The following ACTN2 variants were observed in gnomAD, a reference collection of about 807,000 sequenced individuals.
The protein encoded by ACTN2 is alpha-actinin-2.
Under a neutral mutation model 113.8 loss-of-function variants are expected in ACTN2, and 39 were observed. The observed-to-expected ratio is 0.34, with a 90% CI of 0.27 to 0.45. The LOEUF (loss-of-function observed/expected upper bound fraction) is 0.45. Ranked by LOEUF, ACTN2 falls within the 20% of genes least tolerant of loss-of-function variation. The pLI is 1.00. For missense variants in ACTN2, 992 were observed against 1,177.9 expected, an observed-to-expected ratio of 0.84 and a Z score of 2.31; for synonymous variants, 429 against 444.1, an observed-to-expected ratio of 0.97 and a Z score of 0.43.
intron 14 of ACTN2, 111 bp from the exon 15 acceptor site, chr1:236,751,357 CAG>C: frequency 7.6e-7 from 1 of 1,314,178 alleles, no homozygotes; most frequent in Non-Finnish European, 1.1e-6. Context: ...TGTTTTTCTC[CAG>C]AGACTCTTGC....
intron 6 of ACTN2, among the ~76,000 whole-genome samples, chr1:236,730,879 C>A (rs375248444): frequency 6.6e-5 from 10 of 152,228 alleles, no homozygotes; most frequent in African/African-American, 2.4e-4. Context: ...GATCCCCTTC[C>A]AAGTCTGGAA....
At position 236,762,807 on chromosome 1, in the gene ACTN2, A is replaced by G. The variant is rs1259623035; in HGVS notation, c.*188A>G. 4.2e-5 allele frequency: 28 copies of G among 673,066 alleles called. No individual in the cohort carries two copies. The highest frequency in any genetic ancestry group is 2.5e-4 in the Admixed American group (10 of 39,882). 41.7% of individuals were successfully genotyped at this position (673,066 alleles called of 1,614,324 possible). A position where few individuals can be genotyped will look rare whatever the true frequency, so the allele number is the denominator to read the frequency against. On this transcript the variant is annotated 3_prime_UTR_variant, in exon 21 of 21. Coordinates refer to ENST00000366578, the MANE Select transcript of ACTN2 (RefSeq NM_001103.4). ...AAATGAAGTTTTTACAGTATATGAC[A>G]TAGTGCGCTTCATAAATAGGTTTAT...
At chr1:236,740,792 A>G (rs556006816) in intron 10 of ACTN2, among the ~76,000 whole-genome samples, 1 of 152,086 alleles carries the variant, frequency 6.6e-6, no homozygotes, top group South Asian at 2.1e-4. Context: ...CGGCCTCCCA[A>G]AGTGCTGGGA....
At chr1:236,718,820 T>G in intron 2 of ACTN2, 74 bp from the exon 3 acceptor site, 1 of 1,605,282 alleles carries the variant, frequency 6.2e-7, no homozygotes, top group Non-Finnish European at 8.5e-7. Flanking sequence ...GATGGATGCT[T>G]AGTTTTGGCA....
chr1:236,713,401 A>G (rs1658106337), intron 1 of ACTN2, among the ~76,000 whole-genome samples: 3 of 151,898 alleles, frequency 2.0e-5, no homozygotes. Context: ...CTAGTCTTGT[A>G]TTTTTTGTAG....
At chr1:236,746,402 G>A (rs1431570789) in intron 12 of ACTN2, among the ~76,000 whole-genome samples, 1 of 152,012 alleles carries the variant, frequency 6.6e-6, no homozygotes, top group African/African-American at 2.4e-5. Flanking sequence ...ACTGGGTTAA[G>A]CTTCTAGTTA....
chr1:236,697,934 A>AT (rs35264789), intron 1 of ACTN2, among the ~76,000 whole-genome samples: 102,679 of 127,236 alleles, frequency 0.81, 42,545 homozygotes, highest in Non-Finnish European at 0.91. Flanking sequence ...TAATTTTCGT[A>AT]TTTTTTTTTT....
intron 1 of ACTN2, among the ~76,000 whole-genome samples, chr1:236,716,967 T>G (rs1278748742): frequency 6.6e-6 from 1 of 151,732 alleles, no homozygotes; most frequent in Non-Finnish European, 1.5e-5. Flanking sequence ...CTTGAGTAGC[T>G]GGGACTACAG....
chr1:236,700,701 C>G (rs1381057998), intron 1 of ACTN2, among the ~76,000 whole-genome samples: 2 of 152,182 alleles, frequency 1.3e-5, no homozygotes, highest in Non-Finnish European at 2.9e-5. Context: ...ACTTCTGCTT[C>G]TGTATTTCCT....
At chr1:236,721,168 C>T (rs965485535) in intron 4 of ACTN2, among the ~76,000 whole-genome samples, 3 of 151,282 alleles carry the variant, frequency 2.0e-5, no homozygotes, top group Non-Finnish European at 4.4e-5. Flanking sequence ...GCTGGGACTA[C>T]AGGCGCCCAC....
Position 236,751,453 on chromosome 1 carries a change from T to C in ACTN2, c.1657-17T>C, listed in dbSNP as rs1253640485. 9 of 1,613,684 alleles carry C rather than the reference T, an allele frequency of 5.6e-6. No homozygotes were observed. The highest frequency in any genetic ancestry group is 7.6e-6 in the Non-Finnish European group (9 of 1,179,968). The stretch of plus-strand genomic sequence containing the variant: ...CTCAAGCCACATTGTTTTTCTCCAC[T>C]TGTGTCTCGGGTGTAGAGTCTGATC... On this transcript the variant is annotated splice_polypyrimidine_tract_variant and intron_variant, in intron 14 of 20. Coordinates refer to ENST00000366578, the MANE Select transcript of ACTN2 (RefSeq NM_001103.4).
Position 236,709,649 on chromosome 1 carries a change from A to G in ACTN2, c.127-8209A>G, listed in dbSNP as rs988889694. Reference sequence around the variant, plus strand: ...CTCAGCTCCCTGAGGAAAGGAAATGATATGCAACTTCAACAGAGAACGCTC... The same window carrying G: ...CTCAGCTCCCTGAGGAAAGGAAATGGTATGCAACTTCAACAGAGAACGCTC... On this transcript the variant is annotated intron_variant, in intron 1 of 20. Coordinates refer to ENST00000366578, the MANE Select transcript of ACTN2 (RefSeq NM_001103.4). Among the ~76,000 whole-genome samples, 20 of 152,024 alleles carry G rather than the reference A, an allele frequency of 1.3e-4. No homozygotes were observed. The East Asian group carries it at 1.5e-3, about 12-fold the overall frequency.
At chr1:236,721,173 G>A (rs558836079) in intron 4 of ACTN2, among the ~76,000 whole-genome samples, 2 of 151,082 alleles carry the variant, frequency 1.3e-5, no homozygotes, top group East Asian at 1.9e-4. Context: ...GACTACAGGC[G>A]CCCACCACCA....
intron 1 of ACTN2, among the ~76,000 whole-genome samples, chr1:236,709,508 C>A (rs1657959519): frequency 6.6e-6 from 1 of 151,380 alleles, no homozygotes; most frequent in African/African-American, 2.4e-5. Flanking sequence ...TCCTCCATGC[C>A]CCATCTCGGG....
chr1:236,739,580 T>C (rs1183156603), intron 10 of ACTN2, 48 bp downstream of exon 10: 1 of 1,598,778 alleles, frequency 6.3e-7, no homozygotes, highest in Non-Finnish European at 8.5e-7. Flanking sequence ...AAGCCCTCCT[T>C]CTAGCCTAAA....
At chr1:236,689,637 G>A (rs1326865626) in intron 1 of ACTN2, among the ~76,000 whole-genome samples, 1 of 152,134 alleles carries the variant, frequency 6.6e-6, no homozygotes, top group Non-Finnish European at 1.5e-5. Context: ...AAGGATATGA[G>A]CCACGATGCT....
chr1:236,716,681 T>C (rs1005474237), intron 1 of ACTN2, among the ~76,000 whole-genome samples: 2 of 152,052 alleles, frequency 1.3e-5, no homozygotes, highest in African/African-American at 4.8e-5. Context: ...TAGACTATAC[T>C]GCAAATTTGT....
chr1:236,729,929 A>T (rs935135381), intron 6 of ACTN2, among the ~76,000 whole-genome samples: 3 of 152,224 alleles, frequency 2.0e-5, no homozygotes, highest in African/African-American at 7.2e-5. Flanking sequence ...TGATAATACA[A>T]TAGCAAGTAA....
intron 6 of ACTN2, 135 bp downstream of exon 6, chr1:236,727,891 C>A: frequency 1.3e-6 from 1 of 794,734 alleles, no homozygotes; most frequent in Non-Finnish European, 2.2e-6. Flanking sequence ...AAAGCACATT[C>A]TCCCAGCTAG....
Sources: allele counts gnomAD v4.1 joint callset (sites outside exome capture counted in the v4.1 genomes callset), GRCh38; gene constraint gnomAD v4.1.1; transcripts MANE v1.5; gene names NCBI Gene and HGNC (gene_info 2026-07-23, HGNC 2026-07-21).